ITGA6: variants seen among roughly 807,000 people sequenced by gnomAD.
The protein encoded by ITGA6 is integrin alpha-6.
Under a neutral mutation model 133.6 loss-of-function variants are expected in ITGA6, and 63 were observed. That is an observed-to-expected ratio of 0.47 (90% CI 0.38 to 0.58). The LOEUF is 0.58. ITGA6 is among the 20% of genes least tolerant of loss of function. The pLI, the probability that ITGA6 is intolerant of heterozygous loss-of-function variation, is 0.00. For synonymous variants in ITGA6, 434 were observed against 482.0 expected, an observed-to-expected ratio of 0.90 and a Z score of 1.30; for missense variants, 1,068 against 1,309.4, an observed-to-expected ratio of 0.82 and a Z score of 2.85.
intron 24 of ITGA6, 59 bp from the exon 25 acceptor site, chr2:172,501,713 G>A (rs945439708): frequency 1.4e-5 from 22 of 1,569,010 alleles, no homozygotes; most frequent in South Asian, 1.0e-4. Context: ...GAGATGTTCT[G>A]TTGTTTGGCT....
chr2:172,495,713 G>A (rs16860571), intron 23 of ITGA6, among the ~76,000 whole-genome samples: 3,570 of 152,236 alleles, frequency 0.023, 144 homozygotes, highest in African/African-American at 0.081. Context: ...ACAATATGTG[G>A]AAGTTCTGGT....
chr2:172,463,494 T>C (rs1401400553), intron 1 of ITGA6, among the ~76,000 whole-genome samples: 1 of 152,226 alleles, frequency 6.6e-6, no homozygotes, highest in Admixed American at 6.5e-5. Context: ...GTTTTATTTG[T>C]GTAAGTTTTG....
At chr2:172,451,382 T>G (rs564152060) in intron 1 of ITGA6, among the ~76,000 whole-genome samples, 1 of 150,914 alleles carries the variant, frequency 6.6e-6, no homozygotes, top group Non-Finnish European at 1.5e-5. Context: ...GGAGAATCAC[T>G]TGATCCCAGG....
intron 4 of ITGA6, among the ~76,000 whole-genome samples, chr2:172,470,392 A>G (rs6715294): frequency 0.14 from 21,480 of 152,176 alleles, 1,670 homozygotes; most frequent in South Asian, 0.17. Flanking sequence ...ATATCCACCA[A>G]TTATGTATAT....
intron 23 of ITGA6, among the ~76,000 whole-genome samples, chr2:172,494,993 C>G (rs2149089469): frequency 6.6e-6 from 1 of 152,204 alleles, no homozygotes; most frequent in Admixed American, 6.5e-5. Context: ...GATACGGATC[C>G]TTTTATAAGA....
Position 172,494,696 on chromosome 2 carries a change from A to T in ITGA6, c.2988+3173A>T, listed in dbSNP as rs138522905. Among the ~76,000 whole-genome samples, 43 of 152,338 alleles carry T rather than the reference A, an allele frequency of 2.8e-4. 1 individual carries two copies. The highest frequency in any genetic ancestry group is 9.1e-4 in the African/African-American group (38 of 41,572). ...TCCCTGTGCTAAATGTTAGAGATGC[A>T]AAGTTGGGTAAGATACAGTGTCAAC... is the stretch of plus-strand genomic sequence containing the variant. On this transcript the variant is annotated intron_variant, in intron 23 of 25. Transcript: ENST00000684293.
At chr2:172,455,228 A>G (rs2149023318) in intron 1 of ITGA6, among the ~76,000 whole-genome samples, 1 of 152,352 alleles carries the variant, frequency 6.6e-6, no homozygotes, top group Non-Finnish European at 1.5e-5. Flanking sequence ...CTCATTGCAT[A>G]GGTGGGTGTT....
At chr2:172,466,418 A>T (rs1685676695) in intron 2 of ITGA6, among the ~76,000 whole-genome samples, 1 of 152,150 alleles carries the variant, frequency 6.6e-6, no homozygotes, top group African/African-American at 2.4e-5. Context: ...TCAGGAGTTC[A>T]AGACCAGCCT....
intron 1 of ITGA6, among the ~76,000 whole-genome samples, chr2:172,448,925 A>G (rs1165441761): frequency 6.6e-6 from 1 of 152,176 alleles, no homozygotes; most frequent in Non-Finnish European, 1.5e-5. Context: ...GCCCTTGGAG[A>G]TGATGAAACT....
At chr2:172,485,376 G>A (rs1686622801) in intron 13 of ITGA6, 112 bp downstream of exon 13, 1 of 955,312 alleles carries the variant, frequency 1.0e-6, no homozygotes, top group African/African-American at 1.6e-5. Flanking sequence ...CCATTCTTTT[G>A]TGTTAATATG....
rs182120654 is a variant in ITGA6 at position 172,434,497 on chromosome 2, C to A, written c.182+6527C>A. On this transcript the variant is annotated intron_variant, in intron 1 of 25. Transcript: ENST00000684293. ...TCTCAGGCCGCAGTGTGGCAGCAGA[C>A]CCTCCCCAGTTCAGCCCCATGCCAG... Among the ~76,000 whole-genome samples, 501 of 152,268 alleles carry A rather than the reference C, an allele frequency of 3.3e-3. 4 individuals are homozygous for A. The highest frequency in any genetic ancestry group is 0.012 in the African/African-American group (484 of 41,560).
Position 172,457,056 on chromosome 2 carries a change from G to C in ITGA6, c.183-8483G>C, listed in dbSNP as rs148567680. On this transcript the variant is annotated intron_variant, in intron 1 of 25. Coordinates refer to ENST00000684293, the MANE Select transcript of ITGA6 (RefSeq NM_000210.4). ...CACCTATAATCCTAACACTTTGGGA[G>C]GTTGAGTTGGGGAGATCACTTGAGG... Among the ~76,000 whole-genome samples the C allele has an allele frequency of 2.9e-3, 434 of 152,258 alleles. 2 individuals carry two copies. The highest frequency in any genetic ancestry group is 0.01 in the African/African-American group (425 of 41,540).
chr2:172,428,546 A>AAG (rs1491312973), intron 1 of ITGA6: 3 of 59,576 alleles, frequency 5.0e-5, no homozygotes, highest in Admixed American at 3.5e-4. Context: ...CATGCCTTTG[A>AAG]AAAAAAAAAA....
chr2:172,465,354 T>C, intron 1 of ITGA6, 185 bp from the exon 2 acceptor site: 1 of 701,928 alleles, frequency 1.4e-6, no homozygotes, highest in Non-Finnish European at 2.5e-6. Flanking sequence ...TGTTTAGTTG[T>C]GTTTGTGCGT....
At chr2:172,480,342 T>G (rs1686380824) in intron 11 of ITGA6, among the ~76,000 whole-genome samples, 1 of 151,900 alleles carries the variant, frequency 6.6e-6, no homozygotes, top group Admixed American at 6.6e-5. Context: ...ATTTCTGTCT[T>G]TGAAAAGCAG....
chr2:172,480,416 G>C (rs530583471), intron 11 of ITGA6, among the ~76,000 whole-genome samples: 16 of 152,268 alleles, frequency 1.1e-4, no homozygotes, highest in Non-Finnish European at 1.3e-4. Context: ...GAGGTGGTGG[G>C]TGGTGGCTGG....
chr2:172,499,699 T>G (rs1687272653), intron 24 of ITGA6, among the ~76,000 whole-genome samples: 1 of 152,000 alleles, frequency 6.6e-6, no homozygotes, highest in Non-Finnish European at 1.5e-5. Flanking sequence ...AAAGTTGGGG[T>G]TTGATATTTG....
At chr2:172,482,781 A>G (rs1226935919) in intron 11 of ITGA6, among the ~76,000 whole-genome samples, 1 of 152,234 alleles carries the variant, frequency 6.6e-6, no homozygotes, top group Non-Finnish European at 1.5e-5. Context: ...AATTCTCCAG[A>G]TGGACACAAA....
intron 11 of ITGA6, among the ~76,000 whole-genome samples, chr2:172,483,665 G>A (rs2149064892): frequency 6.6e-6 from 1 of 152,236 alleles, no homozygotes; most frequent in South Asian, 2.1e-4. Flanking sequence ...TTCCCTCCAG[G>A]TTCCATTAGT....
Sources: allele counts gnomAD v4.1 joint callset (sites outside exome capture counted in the v4.1 genomes callset), GRCh38; gene constraint gnomAD v4.1.1; transcripts MANE v1.5; gene names NCBI Gene and HGNC (gene_info 2026-07-23, HGNC 2026-07-21).